Variants in PIEZO2 observed in about 807,000 individuals in gnomAD.
PIEZO2 encodes the protein piezo-type mechanosensitive ion channel component 2.
In PIEZO2, 172 loss-of-function variants were observed where a neutral mutation model predicts 337.3. The observed-to-expected ratio is 0.51, with a 90% CI of 0.45 to 0.58. PIEZO2 has a LOEUF of 0.58. Ranked by LOEUF, PIEZO2 falls within the 20% of genes least tolerant of loss-of-function variation. The pLI, the probability that PIEZO2 is intolerant of heterozygous loss-of-function variation, is 0.00. For missense variants in PIEZO2, 3,028 were observed against 3,391.3 expected, an observed-to-expected ratio of 0.89 and a Z score of 2.66; for synonymous variants, 1,251 against 1,228.5, an observed-to-expected ratio of 1.02 and a Z score of -0.38.
At chr18:10,785,105 T>C in intron 16 of PIEZO2, 148 bp from the exon 17 acceptor site, 1 of 781,728 alleles carries the variant, frequency 1.3e-6, no homozygotes, top group Non-Finnish European at 1.9e-6. Context: ...AATATGGCTT[T>C]CGTTTCCACC....
At chr18:10,826,991 A>G (rs1282016321) in intron 7 of PIEZO2, among the ~76,000 whole-genome samples, 2 of 152,118 alleles carry the variant, frequency 1.3e-5, no homozygotes, top group African/African-American at 4.8e-5. Context: ...TCACTTAGCA[A>G]TATGCATTCA....
At chr18:11,075,472 C>T (rs913551098) in intron 1 of PIEZO2, among the ~76,000 whole-genome samples, 45 of 152,176 alleles carry the variant, frequency 3.0e-4, no homozygotes, top group African/African-American at 9.9e-4. Context: ...TGTTTTACAT[C>T]GGTTGAAACC....
Position 10,770,218 on chromosome 18 carries a change from A to G in PIEZO2, c.2876T>C (p.Met959Thr). 2 of 1,537,514 alleles carry G rather than the reference A, an allele frequency of 1.3e-6. No homozygotes were observed. Among genetic ancestry groups the G allele is most frequent in the Non-Finnish European group, 1.7e-6 (2 of 1,146,958 alleles). ...GATGTGCAACTCCAAAATCCACCAC[A>G]TGAACACCTGCAGCTTGTGAAAATA... Reference protein sequence around the residue: ...LEYFHKLQVFMWWILELHIIK... With the variant: ...LEYFHKLQVFTWWILELHIIK... The change falls in exon 21 of 56, where the codon ATG becomes ACG. Residue 959 changes from methionine to threonine, a missense_variant. Physicochemically the swap from Met to Thr is moderately conservative, Grantham distance 81. Coordinates refer to ENST00000674853, the MANE Select transcript of PIEZO2 (RefSeq NM_001378183.1).
In PIEZO2 at chr18:10,705,617, C is replaced by T. The variant is rs1361990930; in HGVS notation, c.5718G>A (p.Glu1906=). 16 of 1,537,158 alleles carry T rather than the reference C, an allele frequency of 1.0e-5. No individual in the cohort carries two copies. The East Asian group carries it at 3.7e-4, about 35-fold the overall frequency. The change falls in exon 41 of 56, where the codon GAG becomes GAA. Residue 1906 remains glutamate (E), a synonymous_variant. Coordinates refer to ENST00000674853, the MANE Select transcript of PIEZO2 (RefSeq NM_001378183.1). ...APEPREAKEY[E]ATGYDVGAMG... ...TGGCTCCCACATCGTACCCAGTGGCCTCGTACTCCTTGGCCTCCCTGGGCT... is the reference window on the plus strand; with the variant it reads ...TGGCTCCCACATCGTACCCAGTGGCTTCGTACTCCTTGGCCTCCCTGGGCT...
At chr18:11,136,481 T>C (rs2040491176) in intron 1 of PIEZO2, among the ~76,000 whole-genome samples, 1 of 152,268 alleles carries the variant, frequency 6.6e-6, no homozygotes, top group Admixed American at 6.5e-5. Flanking sequence ...AGCAGCCTTG[T>C]CTGGCCTGCA....
intron 31 of PIEZO2, among the ~76,000 whole-genome samples, chr18:10,742,818 G>T (rs1375394717): frequency 6.6e-6 from 1 of 152,020 alleles, no homozygotes; most frequent in African/African-American, 2.4e-5. Flanking sequence ...GTGTGTGTGT[G>T]TGTGTGTGTG....
intron 2 of PIEZO2, among the ~76,000 whole-genome samples, chr18:11,030,213 G>A (rs1025330431): frequency 5.3e-5 from 8 of 152,194 alleles, no homozygotes; most frequent in African/African-American, 9.6e-5. Context: ...ATAAACACTC[G>A]CTACTTATGG....
chr18:10,870,621 G>T lies in PIEZO2; in HGVS notation c.492+632C>A, dbSNP rs766530540. On this transcript the variant is annotated intron_variant, in intron 5 of 55. Transcript: ENST00000674853. This position sits in a 1 kb window ranked among gnomAD's most constrained non-coding sequence, Gnocchi z 5.3. ...CCGTCTGACAGCTCTGATACCCAAG[G>T]ACGAAAATAGGACAAGCTTCCAATT... Among the ~76,000 whole-genome samples the T allele has an allele frequency of 1.3e-5, 2 of 151,586 alleles. No homozygotes were observed. Among genetic ancestry groups the T allele is most frequent in the Middle Eastern group, 3.4e-3 (1 of 290 alleles).
At chr18:11,115,314 G>T (rs2039858171) in intron 1 of PIEZO2, among the ~76,000 whole-genome samples, 1 of 152,174 alleles carries the variant, frequency 6.6e-6, no homozygotes, top group South Asian at 2.1e-4. Context: ...ACAAGAAAAT[G>T]AGATTAAGAA....
At chr18:10,997,997 TA>T (rs2145590708) in intron 2 of PIEZO2, among the ~76,000 whole-genome samples, 1 of 152,088 alleles carries the variant, frequency 6.6e-6, no homozygotes, top group African/African-American at 2.4e-5. Flanking sequence ...CTAATATAAC[TA>T]AAGAATGAAA....
intron 2 of PIEZO2, among the ~76,000 whole-genome samples, chr18:11,018,783 T>G (rs1387029310): frequency 6.6e-6 from 1 of 152,192 alleles, no homozygotes; most frequent in Non-Finnish European, 1.5e-5. Flanking sequence ...ATTTTAAGGA[T>G]GAGTGGATAT....
Position 11,142,075 on chromosome 18 carries a change from G to T in PIEZO2, c.64+6450C>A, listed in dbSNP as rs180972486. Among the ~76,000 whole-genome samples the T allele has an allele frequency of 1.0e-3, 158 of 152,236 alleles. 1 individual carries two copies. Among genetic ancestry groups the T allele is most frequent in the African/African-American group, 3.7e-3 (153 of 41,528 alleles). On this transcript the variant is annotated intron_variant, in intron 1 of 55. Transcript: ENST00000674853. Reference sequence around the variant, plus strand: ...GCCCAAACAGTACGGCACAAAAGGGGAATTTAAAAATAGCAAGTCATAATC... The same window carrying T: ...GCCCAAACAGTACGGCACAAAAGGGTAATTTAAAAATAGCAAGTCATAATC...
At chr18:10,772,196 A>G (rs2038627651) in intron 20 of PIEZO2, among the ~76,000 whole-genome samples, 1 of 152,220 alleles carries the variant, frequency 6.6e-6, no homozygotes, top group Admixed American at 6.5e-5. Flanking sequence ...AGGTTTTAGC[A>G]TCTACTGGGA....
rs2143784052 is a variant in PIEZO2, at chr18:10,705,445, T to C, written c.5890A>G (p.Lys1964Glu). 5 of 1,537,262 alleles carry C rather than the reference T, an allele frequency of 3.3e-6. No individual in the cohort carries two copies. Among genetic ancestry groups the C allele is most frequent in the Non-Finnish European group, 4.4e-6 (5 of 1,146,914 alleles). Residue 1964 changes from lysine (K) to glutamate (E), a missense_variant, in exon 41 of 56, where the codon AAG becomes GAG. Coordinates refer to ENST00000674853, the MANE Select transcript of PIEZO2 (RefSeq NM_001378183.1). ...TCCGGGCTGACTGCCATACGGTTCT[T>C]GCCTGCAGAGTCGTCCTGCGAGCCG... Reference protein sequence around the residue: ...SFGSQDDSAGKNRMAVSPDDS... With the variant: ...SFGSQDDSAGENRMAVSPDDS...
rs976546224 is a variant in PIEZO2, at chr18:11,148,788, C to A, written c.-200G>T. ...TCTTGGCCGCCCCTCGCCCACCGGG[C>A]TCTGGGTAGCCCCTCACCAGGCTCT... On this transcript the variant is annotated 5_prime_UTR_variant, in exon 1 of 56. Coordinates refer to ENST00000674853, the MANE Select transcript of PIEZO2 (RefSeq NM_001378183.1). This position sits in a 1 kb window ranked among gnomAD's most constrained non-coding sequence, Gnocchi z 5.2. 1 of 535,962 alleles carries A rather than the reference C, an allele frequency of 1.9e-6. No homozygotes were observed. The allele number at this position is 535,962 out of a possible 1,614,324, so 33.2% of individuals were successfully genotyped here.
chr18:11,076,754 A>C (rs2038561747), intron 1 of PIEZO2, among the ~76,000 whole-genome samples: 1 of 152,210 alleles, frequency 6.6e-6, no homozygotes, highest in Non-Finnish European at 1.5e-5. Context: ...ACAGTATTAA[A>C]CAGTATGTCA....
At chr18:10,838,049 G>A (rs2041073702) in intron 7 of PIEZO2, among the ~76,000 whole-genome samples, 1 of 152,060 alleles carries the variant, frequency 6.6e-6, no homozygotes, top group East Asian at 1.9e-4. Context: ...ACCACACCCA[G>A]CAAAATTTCC....
At chr18:11,043,251 A>G (rs1441098984) in intron 2 of PIEZO2, among the ~76,000 whole-genome samples, 2 of 150,816 alleles carry the variant, frequency 1.3e-5, no homozygotes, top group Admixed American at 6.6e-5. Flanking sequence ...ACGCACACAC[A>G]CACACACACA....
intron 4 of PIEZO2, among the ~76,000 whole-genome samples, chr18:10,887,497 A>C (rs905490836): frequency 1.3e-5 from 2 of 152,158 alleles, no homozygotes; most frequent in African/African-American, 4.8e-5. Flanking sequence ...ATTGGGGATT[A>C]CAATTCAACA....
Sources: gnomAD v4.1 joint callset for allele counts (sites outside exome capture counted in the v4.1 genomes callset) on GRCh38, gnomAD v4.1.1 for gene constraint, Gnocchi (gnomAD v3.1) non-coding constraint, MANE v1.5 for transcripts, NCBI Gene and HGNC (gene_info 2026-07-23, HGNC 2026-07-21) for gene names.